The following NCKAP1 variants were observed in gnomAD, a reference collection of about 807,000 sequenced individuals.
The protein encoded by NCKAP1 is nck-associated protein 1.
Under a neutral mutation model 151.2 loss-of-function variants are expected in NCKAP1, and 21 were observed. The ratio of observed to expected loss-of-function variants is 0.14; its 90% CI spans 0.10 to 0.20. The LOEUF is 0.20. NCKAP1 is among the 10% of genes least tolerant of loss of function. NCKAP1 has a pLI of 1.00. For missense variants in NCKAP1, 933 were observed against 1,352.1 expected (o/e 0.69, Z 4.86); for synonymous variants, 484 against 451.8 (o/e 1.07, Z -0.90).
chr2:182,976,900 C>A lies in NCKAP1; in HGVS notation c.1475G>T (p.Arg492Met). The A allele has an allele frequency of 1.3e-6, 2 of 1,527,390 alleles. No homozygotes were observed. The highest frequency in any genetic ancestry group is 1.8e-6 in the Non-Finnish European group (2 of 1,135,868). 94.6% of individuals were successfully genotyped at this position (1,527,390 alleles called of 1,614,324 possible). ...ATAAAAGGTTATTCTTACCTGTAAC[C>A]TAAACCAATCTAATCTCATTCCTCT... ...DFRGMRLDWF[R>M]LQAYTSVSKA... Residue 492 changes from arginine to methionine, a missense_variant, in exon 15 of 31, where the codon AGG (arginine) becomes ATG (methionine). Around this residue, in one of 2 missense-constraint regions of NCKAP1, gnomAD observed 607 missense variants for 795.0 expected, o/e 0.76. Coordinates refer to ENST00000361354, the MANE Select transcript of NCKAP1 (RefSeq NM_013436.5).
chr2:182,958,920 T>A (rs1052731478), intron 18 of NCKAP1, among the ~76,000 whole-genome samples: 49 of 152,214 alleles, frequency 3.2e-4, no homozygotes, highest in Non-Finnish European at 7.3e-5. Context: ...TTTAGTATAA[T>A]AAAAACTATA....
At position 182,969,089 on chromosome 2, in the gene NCKAP1, A is replaced by C. The variant is rs113669181; in HGVS notation, c.1483-1728T>G. On this transcript the variant is annotated intron_variant, in intron 15 of 30. Transcript: ENST00000361354. ...TAGAGTATAAACAGGAATTAGCTAT[A>C]GCTGTGGCCATGAATTCAATAAAGA... Among the ~76,000 whole-genome samples the C allele has an allele frequency of 2.6e-5, 4 of 152,354 alleles. 1 individual carries two copies. The highest frequency in any genetic ancestry group is 7.2e-5 in the African/African-American group (3 of 41,592).
chr2:182,994,486 A>G (rs577713077), intron 8 of NCKAP1, among the ~76,000 whole-genome samples: 5 of 152,012 alleles, frequency 3.3e-5, no homozygotes, highest in Non-Finnish European at 5.9e-5. Context: ...TAAAAATACA[A>G]AAATTAGCCA....
At chr2:183,016,413 C>T (rs972315526) in intron 2 of NCKAP1, among the ~76,000 whole-genome samples, 8 of 152,110 alleles carry the variant, frequency 5.3e-5, no homozygotes, top group Admixed American at 3.3e-4. Flanking sequence ...TTTTACATGT[C>T]TAAGAGTCAT....
Position 182,922,494 on chromosome 2 carries a change from A to G in NCKAP1, c.*3208T>C, listed in dbSNP as rs1696568250. ...AGCACTCCTCATGACAGAGACACAG[A>G]TGACACACTTCTAACTTCTCAAACA... On this transcript the variant is annotated 3_prime_UTR_variant, in exon 31 of 31. Coordinates refer to ENST00000361354, the MANE Select transcript of NCKAP1 (RefSeq NM_013436.5). 6.6e-6 allele frequency: 1 copy of G among 152,232 alleles called. No individual in the cohort carries two copies. The highest frequency in any genetic ancestry group is 2.1e-4 in the South Asian group (1 of 4,836). 9.4% of individuals were successfully genotyped at this position (152,232 alleles called of 1,614,324 possible).
intron 8 of NCKAP1, among the ~76,000 whole-genome samples, chr2:182,992,111 C>T (rs552093310): frequency 6.6e-6 from 1 of 152,282 alleles, no homozygotes; most frequent in Admixed American, 6.5e-5. Context: ...CTAAGAAGTT[C>T]CTAGGTGTTG....
rs531555276 is a variant in NCKAP1 at position 182,996,317 on chromosome 2, TACTTA to T, written c.604-484_604-480del. Among the ~76,000 whole-genome samples, 765 of 152,362 alleles carry T rather than the reference TACTTA, an allele frequency of 5.0e-3. 10 individuals are homozygous for T. The highest frequency in any genetic ancestry group is 0.017 in the African/African-American group (725 of 41,580). The stretch of plus-strand genomic sequence containing the variant: ...TACACTGTACCTCATCTTAATAAAT[TACTTA>T]ACTTCTCTTTATCAACGGGTTTGTT... On this transcript the variant is annotated intron_variant, in intron 6 of 30. Transcript: ENST00000361354.
chr2:182,998,656 C>G (rs1698318389), intron 6 of NCKAP1, among the ~76,000 whole-genome samples: 1 of 151,552 alleles, frequency 6.6e-6, no homozygotes, highest in South Asian at 2.1e-4. Flanking sequence ...ATGATGAAAC[C>G]CCATCTCTAC....
chr2:183,017,327 T>C (rs1292473587), intron 2 of NCKAP1, among the ~76,000 whole-genome samples: 4 of 152,148 alleles, frequency 2.6e-5, no homozygotes, highest in African/African-American at 9.7e-5. Context: ...CTTATCATAA[T>C]GTAGAAGCAG....
chr2:182,997,540 G>A (rs1698294004), intron 6 of NCKAP1, among the ~76,000 whole-genome samples: 1 of 152,094 alleles, frequency 6.6e-6, no homozygotes, highest in Non-Finnish European at 1.5e-5. Flanking sequence ...CCAAGTATTT[G>A]TGTGGATTTG....
chr2:182,938,236 A>G (rs992176900), intron 24 of NCKAP1, among the ~76,000 whole-genome samples: 1 of 152,252 alleles, frequency 6.6e-6, no homozygotes, highest in Non-Finnish European at 1.5e-5. Context: ...TAAATATTGG[A>G]TAAGGGAAGA....
chr2:183,029,283 A>G (rs1483298391), intron 1 of NCKAP1, among the ~76,000 whole-genome samples: 1 of 152,150 alleles, frequency 6.6e-6, no homozygotes, highest in East Asian at 1.9e-4. Flanking sequence ...GATTAGAAAC[A>G]TCAAGCCTAG....
chr2:183,028,278 A>G (rs1052677241), intron 1 of NCKAP1, among the ~76,000 whole-genome samples: 7 of 152,050 alleles, frequency 4.6e-5, no homozygotes, highest in Admixed American at 3.9e-4. Flanking sequence ...GAAAAAACAA[A>G]AACTCCCCCA....
chr2:183,014,506 T>A (rs959773790), intron 2 of NCKAP1, among the ~76,000 whole-genome samples: 1 of 152,134 alleles, frequency 6.6e-6, no homozygotes, highest in Non-Finnish European at 1.5e-5. Context: ...TTTCCTTAGG[T>A]TCTACATTCT....
rs763472368 is a variant in NCKAP1, at chr2:182,928,118, G to A, written c.3179C>T (p.Ala1060Val). Residue 1060 changes from alanine (A) to valine (V), a missense_variant and splice_region_variant, in exon 29 of 31, where the codon GCG becomes GTG. Physicochemically the swap from Ala to Val is moderately conservative, Grantham distance 64. Coordinates refer to ENST00000361354, the MANE Select transcript of NCKAP1 (RefSeq NM_013436.5). ...SIEDRLKEFL[A>V]LASSSLLKIG... ...GTTTTGTTATTTGATTATACATACCGCCAGAAATTCTTTAAGACGGTCTTC... is the reference window on the plus strand; with the variant it reads ...GTTTTGTTATTTGATTATACATACCACCAGAAATTCTTTAAGACGGTCTTC... 1.9e-6 allele frequency: 3 copies of A among 1,588,004 alleles called. No homozygotes were observed. Among genetic ancestry groups the A allele is most frequent in the South Asian group, 1.1e-5 (1 of 89,004 alleles).
At position 182,982,601 on chromosome 2, in the gene NCKAP1, T is replaced by C. The variant is rs139453096; in HGVS notation, c.1208+220A>G. Among the ~76,000 whole-genome samples, 259 of 152,348 alleles carry C rather than the reference T, an allele frequency of 1.7e-3. 2 individuals are homozygous for C. Among genetic ancestry groups the C allele is most frequent in the African/African-American group, 5.9e-3 (246 of 41,578 alleles). On this transcript the variant is annotated intron_variant, in intron 12 of 30. Transcript: ENST00000361354. ...AACCTATACTCTTCAGTGTACTATG[T>C]TGCCAGATAATTTTGCCCAACTGTA... is the stretch of plus-strand genomic sequence containing the variant.
intron 18 of NCKAP1, among the ~76,000 whole-genome samples, chr2:182,960,476 T>C (rs1246138879): frequency 6.6e-6 from 1 of 152,128 alleles, no homozygotes; most frequent in Non-Finnish European, 1.5e-5. Flanking sequence ...AAACAAGCAA[T>C]GGGGAAATGA....
At chr2:182,931,378 T>G (rs1464821644) in intron 26 of NCKAP1, among the ~76,000 whole-genome samples, 1 of 152,086 alleles carries the variant, frequency 6.6e-6, no homozygotes, top group African/African-American at 2.4e-5. Context: ...ATATAACTGG[T>G]TACCTCTGAT....
At chr2:182,938,350 G>A (rs552718538) in intron 24 of NCKAP1, among the ~76,000 whole-genome samples, 1 of 152,232 alleles carries the variant, frequency 6.6e-6, no homozygotes, top group African/African-American at 2.4e-5. Context: ...CAAAAACGAC[G>A]AAGAGTAGAG....
Sources: gnomAD v4.1 joint callset for allele counts (sites outside exome capture counted in the v4.1 genomes callset) on GRCh38, gnomAD v4.1.1 for gene constraint, gnomAD v4.1.1 regional missense constraint, MANE v1.5 for transcripts, NCBI Gene and HGNC (gene_info 2026-07-23, HGNC 2026-07-21) for gene names.